The following MAEL variants were observed in gnomAD, a reference collection of about 807,000 sequenced individuals.
MAEL encodes the protein maelstrom spermatogenic transposon silencer.
A neutral mutation model predicts 62.0 loss-of-function variants in MAEL; 46 were observed. The observed-to-expected ratio is 0.74, with a 90% CI of 0.59 to 0.95. The LOEUF (loss-of-function observed/expected upper bound fraction) is 0.95, where lower values mean the gene tolerates loss of function less well. Ranked by LOEUF, MAEL falls within the 40% of genes least tolerant of loss-of-function variation. MAEL has a pLI of 0.00. For synonymous variants in MAEL, 172 were observed against 175.5 expected, an observed-to-expected ratio of 0.98 and a Z score of 0.16; for missense variants, 497 against 526.8, an observed-to-expected ratio of 0.94 and a Z score of 0.55.
intron 5 of MAEL, among the ~76,000 whole-genome samples, chr1:167,000,680 G>A (rs1664624071): frequency 6.6e-6 from 1 of 152,200 alleles, no homozygotes; most frequent in African/African-American, 2.4e-5. Context: ...GAGTCAGTCA[G>A]TGTGTCAAAC....
intron 1 of MAEL, among the ~76,000 whole-genome samples, chr1:166,979,801 T>A (rs1226370350): frequency 2.6e-5 from 4 of 152,164 alleles, no homozygotes; most frequent in Non-Finnish European, 5.9e-5. Context: ...TGCTCAACAG[T>A]GGGGGCAGCC....
At chr1:167,009,087 T>C (rs1040648718) in intron 8 of MAEL, among the ~76,000 whole-genome samples, 2 of 152,144 alleles carry the variant, frequency 1.3e-5, no homozygotes. Flanking sequence ...ACATTTTCTT[T>C]AGGTATATTT....
chr1:167,004,531 T>C (rs892226215), intron 6 of MAEL, among the ~76,000 whole-genome samples: 2 of 152,212 alleles, frequency 1.3e-5, no homozygotes, highest in Non-Finnish European at 2.9e-5. Context: ...TCTATTTTGG[T>C]AGAGTTCATG....
chr1:167,010,028 C>T (rs1381704486), intron 8 of MAEL, among the ~76,000 whole-genome samples: 1 of 152,122 alleles, frequency 6.6e-6, no homozygotes, highest in Non-Finnish European at 1.5e-5. Flanking sequence ...CCAAATCTCA[C>T]CTCGAATTGT....
At chr1:167,021,356 G>A (rs1665623275) in intron 11 of MAEL, among the ~76,000 whole-genome samples, 196 bp downstream of exon 11, 1 of 152,140 alleles carries the variant, frequency 6.6e-6, no homozygotes, top group Non-Finnish European at 1.5e-5. Context: ...TGGATACATT[G>A]TAACTTCTCA....
At chr1:166,980,202 T>A (rs976592871) in intron 1 of MAEL, among the ~76,000 whole-genome samples, 1 of 152,092 alleles carries the variant, frequency 6.6e-6, no homozygotes, top group African/African-American at 2.4e-5. Context: ...TTTGTATTTT[T>A]TTTTTTAGAG....
upstream of MAEL, among the ~76,000 whole-genome samples, chr1:166,984,193 A>G (rs952018735): frequency 6.6e-6 from 1 of 151,862 alleles, no homozygotes; most frequent in Non-Finnish European, 1.5e-5. Flanking sequence ...CTTTTTTCTT[A>G]CTCCTACAAC....
At chr1:167,004,831 T>C (rs1259912738) in intron 6 of MAEL, among the ~76,000 whole-genome samples, 1 of 152,196 alleles carries the variant, frequency 6.6e-6, no homozygotes, top group African/African-American at 2.4e-5. Context: ...AGGTCTCTCT[T>C]GCTTCTCATA....
intron 1 of MAEL, among the ~76,000 whole-genome samples, chr1:166,982,484 A>C (rs1355156469): frequency 6.6e-6 from 1 of 152,114 alleles, no homozygotes; most frequent in Non-Finnish European, 1.5e-5. Flanking sequence ...AATGTCACCT[A>C]TTATTACTAC....
chr1:166,984,327 G>A (rs1663850718), upstream of MAEL, among the ~76,000 whole-genome samples: 1 of 152,076 alleles, frequency 6.6e-6, no homozygotes, highest in African/African-American at 2.4e-5. Context: ...GTCTCACCAT[G>A]CCCATTCTTA....
Position 167,006,601 on chromosome 1 carries a change from CTATATATATATATATATATA to C in MAEL, c.845+1221_845+1240del, listed in dbSNP as rs200881169. ...CTATTGGAAAGTTACTGGTTTTTTA[CTATATATATATATATATATA>C]TATATATATATATATACATTTTTTT... On this transcript the variant is annotated intron_variant, in intron 8 of 11. Coordinates refer to ENST00000367872, the MANE Select transcript of MAEL (RefSeq NM_032858.3). 2.2e-3 allele frequency among the ~76,000 whole-genome samples: 215 copies of C among 98,084 alleles called. 1 individual carries two copies. Among genetic ancestry groups the C allele is most frequent in the Admixed American group, 0.017 (132 of 7,786 alleles). The allele number at this position is 98,084 out of a possible 152,430, so 64.3% of individuals were successfully genotyped here.
At chr1:166,997,505 T>G (rs1004648022) in intron 5 of MAEL, among the ~76,000 whole-genome samples, 1 of 152,184 alleles carries the variant, frequency 6.6e-6, no homozygotes, top group Non-Finnish European at 1.5e-5. Context: ...CTCTTTATGG[T>G]GTCTTTTAAT....
At chr1:166,982,029 C>T (rs565324853) in intron 1 of MAEL, among the ~76,000 whole-genome samples, 3 of 152,208 alleles carry the variant, frequency 2.0e-5, no homozygotes, top group Admixed American at 2.0e-4. Flanking sequence ...TAACAAGCAC[C>T]TAACAAGGGG....
At position 166,989,430 on chromosome 1, in the gene MAEL, C is replaced by G; in HGVS notation, c.78C>G (p.Gly26=). The change falls in exon 1 of 12, where the codon GGC becomes GGG. Residue 26 remains glycine (G), a synonymous_variant. Transcript: ENST00000367872. The part of the protein sequence containing the change: ...QEKIPELRRR[G]LPVARVADAI... ...AGATCCCCGAACTACGGCGACGAGG[C>G]CTGCCTGTGGCTCGCGTTGCTGATG... 2 of 1,600,554 alleles carry G rather than the reference C, an allele frequency of 1.2e-6. No homozygotes were observed. Among genetic ancestry groups the G allele is most frequent in the Non-Finnish European group, 1.7e-6 (2 of 1,173,788 alleles).
In MAEL at chr1:166,989,791, G is replaced by A. The variant is rs1473417386; in HGVS notation, c.187G>A (p.Ala63Thr). ...KYAEMAREWR[A>T]AQGKDPGPSE... Reference sequence around the variant, plus strand: ...CGCAGAAATGGCTCGAGAATGGAGGGCCGCTCAGGGAAAGGACCCTGGGCC... The same window carrying A: ...CGCAGAAATGGCTCGAGAATGGAGGACCGCTCAGGGAAAGGACCCTGGGCC... The change falls in exon 2 of 12, where the codon GCC becomes ACC. Residue 63 changes from alanine to threonine, a missense_variant. By Grantham distance (58) the Ala-to-Thr change is moderately conservative. Coordinates refer to ENST00000367872, the MANE Select transcript of MAEL (RefSeq NM_032858.3). The A allele has an allele frequency of 3.7e-6, 6 of 1,613,856 alleles. No individual in the cohort carries two copies. Among genetic ancestry groups the A allele is most frequent in the Admixed American group, 3.3e-5 (2 of 59,990 alleles).
At chr1:166,988,499 G>T (rs1664002685), upstream of MAEL, among the ~76,000 whole-genome samples, 1 of 151,434 alleles carries the variant, frequency 6.6e-6, no homozygotes, top group Admixed American at 6.6e-5. Flanking sequence ...GCTGACCCGA[G>T]AAAGGAATTT....
chr1:166,978,659 C>T (rs957484268), intron 1 of MAEL, among the ~76,000 whole-genome samples: 1 of 152,154 alleles, frequency 6.6e-6, no homozygotes, highest in African/African-American at 2.4e-5. Flanking sequence ...TTCCAATGCA[C>T]AGTAATGTTT....
Position 166,992,674 on chromosome 1 carries a change from A to G in MAEL, c.326-12A>G. 2 of 1,531,830 alleles carry G rather than the reference A, an allele frequency of 1.3e-6. No homozygotes were observed. The highest frequency in any genetic ancestry group is 2.1e-5 in the Admixed American group (1 of 46,658). The allele number at this position is 1,531,830 out of a possible 1,614,324, so 94.9% of individuals were successfully genotyped here. On this transcript the variant is annotated splice_polypyrimidine_tract_variant and intron_variant, in intron 3 of 11. Coordinates refer to ENST00000367872, the MANE Select transcript of MAEL (RefSeq NM_032858.3). The stretch of plus-strand genomic sequence containing the variant: ...ATTCATTTATTCATTTTATCTTACA[A>G]TTTTTTTTTAGCTCTCCTTGGAGGC...
intron 8 of MAEL, 34 bp downstream of exon 8, chr1:167,005,431 G>T: frequency 1.9e-6 from 3 of 1,562,148 alleles, no homozygotes; most frequent in South Asian, 2.4e-5. Flanking sequence ...GAGTCATTTT[G>T]ACTTATTTTC....
Sources: gnomAD v4.1 joint callset for allele counts (sites outside exome capture counted in the v4.1 genomes callset) on GRCh38, gnomAD v4.1.1 for gene constraint, MANE v1.5 for transcripts, NCBI Gene and HGNC (gene_info 2026-07-23, HGNC 2026-07-21) for gene names.